The following CNTN4 variants were observed in gnomAD, a reference collection of about 807,000 sequenced individuals.
CNTN4 encodes the protein contactin 4.
In CNTN4, 77 loss-of-function variants were observed where a neutral mutation model predicts 122.5. The observed-to-expected ratio is 0.63, with a 90% CI of 0.52 to 0.76. CNTN4 has a LOEUF of 0.76. CNTN4 is among the 30% of genes least tolerant of loss of function. CNTN4 has a pLI of 0.00. For synonymous variants in CNTN4, 512 were observed against 447.0 expected (o/e 1.15, Z -1.83); for missense variants, 1,256 against 1,259.1 (o/e 1.00, Z 0.04).
intron 3 of CNTN4, among the ~76,000 whole-genome samples, chr3:2,407,690 T>C (rs190073834): frequency 6.8e-4 from 103 of 152,270 alleles, no homozygotes; most frequent in African/African-American, 2.3e-3. Context: ...CACTGTATGT[T>C]AAAATTGATT....
At chr3:2,611,706 G>T (rs1398784078) in intron 4 of CNTN4, among the ~76,000 whole-genome samples, 4 of 152,148 alleles carry the variant, frequency 2.6e-5, no homozygotes, top group South Asian at 4.1e-4. Flanking sequence ...GGAGGCAGAG[G>T]CAGAGAACAA....
chr3:2,669,893 T>A (rs923697518), intron 4 of CNTN4, among the ~76,000 whole-genome samples: 1 of 152,220 alleles, frequency 6.6e-6, no homozygotes, highest in Non-Finnish European at 1.5e-5. Context: ...TTCCATGTAG[T>A]TGAGCAGTTT....
At chr3:2,684,014 A>G (rs924964625) in intron 4 of CNTN4, among the ~76,000 whole-genome samples, 2 of 152,190 alleles carry the variant, frequency 1.3e-5, no homozygotes, top group African/African-American at 4.8e-5. Context: ...AATCAACCTT[A>G]CAGGCAGGGT....
chr3:3,052,443 A>G (rs1016815930), intron 23 of CNTN4, among the ~76,000 whole-genome samples: 1 of 150,366 alleles, frequency 6.7e-6, no homozygotes, highest in Non-Finnish European at 1.5e-5. Context: ...GAGCTACAGC[A>G]TAAGTATTTT....
chr3:2,122,419 A>G (rs1256549387), intron 2 of CNTN4, among the ~76,000 whole-genome samples: 3 of 152,226 alleles, frequency 2.0e-5, no homozygotes, highest in Non-Finnish European at 4.4e-5. Flanking sequence ...CTTCACTTAA[A>G]GATGAATCTT....
chr3:2,300,753 T>G (rs941378809), intron 2 of CNTN4, among the ~76,000 whole-genome samples: 3 of 151,728 alleles, frequency 2.0e-5, no homozygotes, highest in African/African-American at 7.3e-5. Context: ...TGTATTTTCG[T>G]AGAGATGGGG....
rs117434679 is a variant in CNTN4 at position 2,865,325 on chromosome 3, C to T, written c.455-1427C>T. Among the ~76,000 whole-genome samples, 176 of 152,326 alleles carry T rather than the reference C, an allele frequency of 1.2e-3. 4 individuals are homozygous for T. The East Asian group carries it at 0.029, about 25-fold the overall frequency. Reference sequence around the variant, plus strand: ...AGTGGATTTAAGGCAGAATATGTTTCCTGTTGCACATTCAGTTGTTAAGGT... The same window carrying T: ...AGTGGATTTAAGGCAGAATATGTTTTCTGTTGCACATTCAGTTGTTAAGGT... On this transcript the variant is annotated intron_variant, in intron 7 of 24. Coordinates refer to ENST00000418658, the MANE Select transcript of CNTN4 (RefSeq NM_175607.3).
At chr3:2,328,166 G>C (rs372304830) in intron 2 of CNTN4, among the ~76,000 whole-genome samples, 3 of 152,186 alleles carry the variant, frequency 2.0e-5, no homozygotes, top group Admixed American at 6.5e-5. Flanking sequence ...AGCACTTTGG[G>C]AGGCCGAGGC....
chr3:2,538,910 A>G (rs1296990407), intron 3 of CNTN4, among the ~76,000 whole-genome samples: 3 of 151,834 alleles, frequency 2.0e-5, no homozygotes, highest in South Asian at 4.1e-4. Context: ...TTATAAATAT[A>G]TTTGCTTTTA....
intron 3 of CNTN4, among the ~76,000 whole-genome samples, chr3:2,479,379 C>T (rs2075921008): frequency 6.6e-6 from 1 of 152,030 alleles, no homozygotes; most frequent in Non-Finnish European, 1.5e-5. Context: ...AAGTCTAAGC[C>T]CTGGCAGCCA....
intron 12 of CNTN4, among the ~76,000 whole-genome samples, chr3:2,904,330 T>A (rs2094206406): frequency 1.3e-5 from 2 of 152,218 alleles, no homozygotes; most frequent in Admixed American, 6.5e-5. Flanking sequence ...AGCATGTAAA[T>A]CTTGCATATA....
chr3:2,144,768 A>C lies in CNTN4; in HGVS notation c.-145+44129A>C, dbSNP rs569990769. ...CAATTAAGTTTATTGAATTAAATTAAATATTGGAATTGTATCTGTCAAAGC... is the reference window on the plus strand; with the variant it reads ...CAATTAAGTTTATTGAATTAAATTACATATTGGAATTGTATCTGTCAAAGC... On this transcript the variant is annotated intron_variant, in intron 2 of 24. Coordinates refer to ENST00000418658, the MANE Select transcript of CNTN4 (RefSeq NM_175607.3). Among the ~76,000 whole-genome samples, 11 of 152,350 alleles carry C rather than the reference A, an allele frequency of 7.2e-5. No individual in the cohort carries two copies. In the South Asian group the frequency reaches 2.3e-3, roughly 32 times the overall value.
At chr3:2,384,645 T>C (rs1175593045) in intron 3 of CNTN4, among the ~76,000 whole-genome samples, 1 of 152,132 alleles carries the variant, frequency 6.6e-6, no homozygotes, top group Non-Finnish European at 1.5e-5. Context: ...TCTCTTTTTC[T>C]TCTATGACAC....
chr3:2,934,673 T>C (rs929434595), intron 13 of CNTN4, among the ~76,000 whole-genome samples: 1 of 152,228 alleles, frequency 6.6e-6, no homozygotes, highest in African/African-American at 2.4e-5. Flanking sequence ...CCTCAGGATA[T>C]CTCTTACAGT....
chr3:2,232,678 C>T (rs1490054800), intron 2 of CNTN4, among the ~76,000 whole-genome samples: 1 of 152,142 alleles, frequency 6.6e-6, no homozygotes, highest in East Asian at 1.9e-4. Flanking sequence ...TCTATTACCC[C>T]AGGCATTTAT....
intron 4 of CNTN4, among the ~76,000 whole-genome samples, chr3:2,637,796 C>A (rs897403381): frequency 1.1e-4 from 17 of 152,162 alleles, no homozygotes; most frequent in Admixed American, 6.5e-5. Context: ...AATACTCATG[C>A]CTACCCTTGC....
At chr3:2,800,548 A>G (rs1157940640) in intron 6 of CNTN4, among the ~76,000 whole-genome samples, 1 of 152,118 alleles carries the variant, frequency 6.6e-6, no homozygotes, top group Admixed American at 6.5e-5. Context: ...TGCAACTTTC[A>G]TTTCTTAGTT....
chr3:2,714,979 C>G (rs2087400059), intron 4 of CNTN4, among the ~76,000 whole-genome samples: 1 of 152,194 alleles, frequency 6.6e-6, no homozygotes, highest in Non-Finnish European at 1.5e-5. Context: ...CTGAGATATT[C>G]AAGTGCTTTT....
At chr3:2,528,147 G>T (rs951909649) in intron 3 of CNTN4, among the ~76,000 whole-genome samples, 2 of 152,068 alleles carry the variant, frequency 1.3e-5, no homozygotes, top group African/African-American at 4.8e-5. Flanking sequence ...GTTGCATCTT[G>T]TTCACAGTAC....
Sources: allele counts gnomAD v4.1 joint callset (sites outside exome capture counted in the v4.1 genomes callset), GRCh38; gene constraint gnomAD v4.1.1; transcripts MANE v1.5; gene names NCBI Gene and HGNC (gene_info 2026-07-23, HGNC 2026-07-21).